Variants in SDK1 observed in about 807,000 individuals in gnomAD.
SDK1 encodes the protein protein sidekick-1.
A neutral mutation model predicts 245.5 loss-of-function variants in SDK1; 157 were observed. The observed-to-expected ratio is 0.64, with a 90% CI of 0.56 to 0.73. The LOEUF (loss-of-function observed/expected upper bound fraction) is 0.73. Among genes scored for constraint, SDK1 ranks in the 30% least tolerant of loss-of-function variants. SDK1 has a pLI of 0.00. For synonymous variants in SDK1, 1,647 were observed against 1,278.5 expected, an observed-to-expected ratio of 1.29 and a Z score of -6.15; for missense variants, 3,583 against 3,002.3, an observed-to-expected ratio of 1.19 and a Z score of -4.52.
In SDK1 at chr7:3,542,880, C is replaced by T. The variant is rs548926133; in HGVS notation, c.299-76200C>T. Among the ~76,000 whole-genome samples the T allele has an allele frequency of 2.4e-4, 37 of 152,320 alleles. 1 individual carries two copies. The South Asian group carries it at 7.0e-3, about 29-fold the overall frequency. Reference sequence around the variant, plus strand: ...AGGAAAATAAAAATTGATTTACCTTCGCTTTAGAAGCTTCCCAAAAGGGGA... The same window carrying T: ...AGGAAAATAAAAATTGATTTACCTTTGCTTTAGAAGCTTCCCAAAAGGGGA... On this transcript the variant is annotated intron_variant, in intron 1 of 44. Transcript: ENST00000404826.
chr7:4,164,986 A>C (rs769642696), intron 32 of SDK1, among the ~76,000 whole-genome samples: 3 of 152,254 alleles, frequency 2.0e-5, no homozygotes, highest in Non-Finnish European at 4.4e-5. Context: ...AAAGAAAAAG[A>C]AACTAGGTTT....
chr7:4,074,910 A>ATTTT (rs1456680391), intron 20 of SDK1, among the ~76,000 whole-genome samples: 1 of 77,226 alleles, frequency 1.3e-5, no homozygotes. Flanking sequence ...ATATATATAT[A>ATTTT]TATATATTTT....
chr7:3,821,289 C>G (rs1460636959), intron 4 of SDK1, among the ~76,000 whole-genome samples, 161 bp from the exon 5 acceptor site: 1 of 152,174 alleles, frequency 6.6e-6, no homozygotes, highest in African/African-American at 2.4e-5. Context: ...CTCTCTCTGG[C>G]GTTGTCGTAT....
chr7:3,526,223 A>T (rs1476713983), intron 1 of SDK1, among the ~76,000 whole-genome samples: 1 of 151,004 alleles, frequency 6.6e-6, no homozygotes, highest in Non-Finnish European at 1.5e-5. Context: ...ACAGAGCGAG[A>T]CTCCGTCGCA....
At chr7:3,353,958 C>T (rs1004088443) in intron 1 of SDK1, among the ~76,000 whole-genome samples, 11 of 151,604 alleles carry the variant, frequency 7.3e-5, no homozygotes, top group East Asian at 1.9e-4. Flanking sequence ...ATGTTGCAAC[C>T]GGGCTCCATA....
intron 20 of SDK1, among the ~76,000 whole-genome samples, chr7:4,069,303 G>GT (rs113904701): frequency 0.07 from 10,656 of 152,058 alleles, 804 homozygotes; most frequent in African/African-American, 0.18. Context: ...ACAGACATCT[G>GT]TTTTTTTTCT....
intron 4 of SDK1, among the ~76,000 whole-genome samples, chr7:3,750,259 C>A (rs939048199): frequency 2.6e-5 from 4 of 152,176 alleles, no homozygotes; most frequent in African/African-American, 4.8e-5. Context: ...ATTTGGAGAA[C>A]AAGGACTGGG....
chr7:3,579,087 C>G (rs1309852035), intron 1 of SDK1, among the ~76,000 whole-genome samples: 3 of 151,936 alleles, frequency 2.0e-5, no homozygotes, highest in African/African-American at 4.8e-5. Context: ...CTTCCTGCAA[C>G]AACTTTTCCT....
At chr7:3,360,034 G>C (rs1583741403) in intron 1 of SDK1, among the ~76,000 whole-genome samples, 1 of 152,188 alleles carries the variant, frequency 6.6e-6, no homozygotes, top group African/African-American at 2.4e-5. Context: ...CTGCCATTCT[G>C]CTGTCATCTT....
intron 35 of SDK1, among the ~76,000 whole-genome samples, chr7:4,182,346 T>C (rs540085148): frequency 6.6e-6 from 1 of 152,326 alleles, no homozygotes; most frequent in African/African-American, 2.4e-5. Context: ...GCCTTCTCTC[T>C]AATGCTGCTC....
intron 26 of SDK1, chr7:4,129,581 G>C (rs1178955203): frequency 1.6e-5 from 15 of 924,298 alleles, no homozygotes; most frequent in Non-Finnish European, 2.1e-5. Context: ...AGTGTTGTCT[G>C]TGTTCATAAT....
chr7:3,918,361 C>T (rs1319900859), intron 5 of SDK1, among the ~76,000 whole-genome samples: 2 of 152,214 alleles, frequency 1.3e-5, no homozygotes, highest in Non-Finnish European at 2.9e-5. Flanking sequence ...AGCTCCGCCC[C>T]CTGTCAGATC....
intron 1 of SDK1, among the ~76,000 whole-genome samples, chr7:3,552,391 C>A (rs1011955356): frequency 6.6e-6 from 1 of 152,126 alleles, no homozygotes; most frequent in Non-Finnish European, 1.5e-5. Context: ...GTCCTGTCCC[C>A]CAGTAGATGC....
chr7:4,064,985 C>G lies in SDK1; in HGVS notation c.2912-2853C>G, dbSNP rs559769492. Among the ~76,000 whole-genome samples the G allele has an allele frequency of 3.9e-5, 6 of 152,096 alleles. No individual in the cohort carries two copies. The East Asian group carries it at 9.6e-4, about 24-fold the overall frequency. On this transcript the variant is annotated intron_variant, in intron 19 of 44. Transcript: ENST00000404826. ...TTCAGTTAAACAGAAGGAGTAAGTTCCAATGCTCCGTGGCACAGTAGAGTG... is the reference window on the plus strand; with the variant it reads ...TTCAGTTAAACAGAAGGAGTAAGTTGCAATGCTCCGTGGCACAGTAGAGTG...
At chr7:4,008,560 G>A (rs575640127) in intron 14 of SDK1, among the ~76,000 whole-genome samples, 16 of 152,258 alleles carry the variant, frequency 1.1e-4, no homozygotes, top group Non-Finnish European at 2.1e-4. Context: ...TTTAGATAAG[G>A]TGGGCACGTA....
chr7:3,794,254 A>C (rs1029868395), intron 4 of SDK1, among the ~76,000 whole-genome samples: 1 of 152,160 alleles, frequency 6.6e-6, no homozygotes, highest in Non-Finnish European at 1.5e-5. Context: ...CCCTTCCCAC[A>C]TCTCCTGTCC....
intron 4 of SDK1, among the ~76,000 whole-genome samples, chr7:3,800,936 C>T (rs775262344): frequency 6.6e-6 from 1 of 152,176 alleles, no homozygotes; most frequent in African/African-American, 2.4e-5. Flanking sequence ...TCTAGTTGAA[C>T]ACCCTTTAAC....
rs138102970 is a variant in SDK1, at chr7:3,967,566, T to C, written c.1546+132T>C. ...CTCAATGAAGATTAAATAACTCTTA[T>C]TGCAGCAGTCCCCAACCTTTTTGGC... On this transcript the variant is annotated intron_variant, in intron 10 of 44. Coordinates refer to ENST00000404826, the MANE Select transcript of SDK1 (RefSeq NM_152744.4). 5.3e-3 allele frequency: 3,504 copies of C among 655,728 alleles called. 71 individuals are homozygous for C. Among genetic ancestry groups the C allele is most frequent in the South Asian group, 0.04 (2,089 of 52,762 alleles). The allele number at this position is 655,728 out of a possible 1,614,324, so 40.6% of individuals were successfully genotyped here.
chr7:3,416,564 A>T (rs142750848), intron 1 of SDK1, among the ~76,000 whole-genome samples: 19 of 149,796 alleles, frequency 1.3e-4, no homozygotes, highest in African/African-American at 4.2e-4. Flanking sequence ...CAATAAGGAG[A>T]TTAGGGAGGT....
Sources: allele counts gnomAD v4.1 joint callset (sites outside exome capture counted in the v4.1 genomes callset), GRCh38; gene constraint gnomAD v4.1.1; transcripts MANE v1.5; gene names NCBI Gene and HGNC (gene_info 2026-07-23, HGNC 2026-07-21).